The following CPE variants were observed in gnomAD, a reference collection of about 807,000 sequenced individuals.
CPE encodes carbocypeptidase E.
CPE carries 17 observed loss-of-function variants against 53.5 expected under a neutral mutation model. The observed-to-expected ratio is 0.32, with a 90% CI of 0.22 to 0.48. The LOEUF is 0.48. Ranked by LOEUF, CPE falls within the 20% of genes least tolerant of loss-of-function variation. CPE has a pLI of 0.99. For synonymous variants in CPE, 226 were observed against 228.8 expected (o/e 0.99, Z 0.11); for missense variants, 524 against 614.7 (o/e 0.85, Z 1.56).
At chr4:165,411,363 C>G (rs1384682052) in intron 1 of CPE, among the ~76,000 whole-genome samples, 2 of 152,098 alleles carry the variant, frequency 1.3e-5, no homozygotes, top group African/African-American at 4.8e-5. Context: ...CTTCCTCCTA[C>G]TTTTTGCCCT....
chr4:165,493,492 G>A (rs1732645602), intron 7 of CPE, among the ~76,000 whole-genome samples: 1 of 152,206 alleles, frequency 6.6e-6, no homozygotes, highest in African/African-American at 2.4e-5. Context: ...TGCAGCAGAT[G>A]GCGCCCTTTC....
intron 1 of CPE, among the ~76,000 whole-genome samples, chr4:165,385,938 G>A (rs1014833185): frequency 7.9e-5 from 12 of 152,156 alleles, no homozygotes; most frequent in East Asian, 1.9e-4. Context: ...CTTTCTCCCC[G>A]CTCCCTAACT....
At position 165,464,262 on chromosome 4, in the gene CPE, T is replaced by G. The variant is rs755704966; in HGVS notation, c.308-128T>G. 11 of 657,752 alleles carry G rather than the reference T, an allele frequency of 1.7e-5. No individual in the cohort carries two copies. In the South Asian group the frequency reaches 2.9e-4, roughly 18 times the overall value. 40.7% of individuals were successfully genotyped at this position (657,752 alleles called of 1,614,324 possible). A position where few individuals can be genotyped will look rare whatever the true frequency, so the allele number is the denominator to read the frequency against. ...GGGGTATTTTAATGTCTACGGTAGA[T>G]TTTTTTTTAAGGCATCGCTGCTGGA... is the stretch of plus-strand genomic sequence containing the variant. On this transcript the variant is annotated intron_variant, in intron 1 of 8. Transcript: ENST00000402744.
intron 6 of CPE, among the ~76,000 whole-genome samples, chr4:165,489,973 GC>G (rs1171970614): frequency 6.6e-6 from 1 of 152,214 alleles, no homozygotes; most frequent in Non-Finnish European, 1.5e-5. Flanking sequence ...TTTATAACCA[GC>G]TCATCTAGCT....
intron 1 of CPE, among the ~76,000 whole-genome samples, chr4:165,463,248 G>C (rs1273123743): frequency 6.6e-6 from 1 of 152,124 alleles, no homozygotes; most frequent in African/African-American, 2.4e-5. Flanking sequence ...CTGTTGTGAA[G>C]AGAAAATTAG....
Position 165,482,338 on chromosome 4 carries a change from C to G in CPE, c.769C>G (p.Pro257Ala), listed in dbSNP as rs763083392. Residue 257 changes from proline (P) to alanine (A), a missense_variant, in exon 4 of 9, where the codon CCA becomes GCA. Transcript: ENST00000402744. ...TGGAGGAGACCTTGTGGCCAATTAT[C>G]CATATGATGAGACGCGGAGTGGTAG... ...LHGGDLVANY[P>A]YDETRSGSAH... 6.2e-7 allele frequency: 1 copy of G among 1,612,780 alleles called. No individual in the cohort carries two copies. Among genetic ancestry groups the G allele is most frequent in the South Asian group, 1.1e-5 (1 of 91,046 alleles).
intron 1 of CPE, among the ~76,000 whole-genome samples, chr4:165,419,807 A>C (rs1946816): frequency 0.3 from 44,981 of 152,060 alleles, 6,745 homozygotes; most frequent in Middle Eastern, 0.39. Context: ...TTGGGAACTA[A>C]TACATCAAAC....
chr4:165,447,768 A>G (rs1222749227), intron 1 of CPE, among the ~76,000 whole-genome samples: 2 of 152,112 alleles, frequency 1.3e-5, no homozygotes, highest in African/African-American at 2.4e-5. Context: ...ATCCTATTCT[A>G]TAAGCCTTTT....
At chr4:165,458,395 C>T (rs1325765142) in intron 1 of CPE, among the ~76,000 whole-genome samples, 1 of 152,124 alleles carries the variant, frequency 6.6e-6, no homozygotes, top group African/African-American at 2.4e-5. Context: ...TCACCAGCTC[C>T]AAGAATTATG....
At chr4:165,411,380 T>C (rs1158792376) in intron 1 of CPE, among the ~76,000 whole-genome samples, 1 of 152,204 alleles carries the variant, frequency 6.6e-6, no homozygotes, top group African/African-American at 2.4e-5. Context: ...CCCTTCCTCC[T>C]TCCCTGATCC....
chr4:165,452,091 G>T (rs75883254), intron 1 of CPE, among the ~76,000 whole-genome samples: 9 of 152,086 alleles, frequency 5.9e-5, no homozygotes, highest in Non-Finnish European at 5.9e-5. Flanking sequence ...TCACATGTGT[G>T]CAAGAGCTAA....
chr4:165,381,622 A>G (rs1212330694), intron 1 of CPE: 1 of 215,454 alleles, frequency 4.6e-6, no homozygotes, highest in Non-Finnish European at 9.5e-6. Flanking sequence ...TATATTTTTA[A>G]AAGTAGAAAT....
rs1045585213 is a variant in CPE, at chr4:165,379,661, A to C, written c.307+133A>C. 5 of 920,998 alleles carry C rather than the reference A, an allele frequency of 5.4e-6. No homozygotes were observed. The African/African-American group carries it at 8.5e-5, about 16-fold the overall frequency. 57.1% of individuals were successfully genotyped at this position (920,998 alleles called of 1,614,324 possible). A position where few individuals can be genotyped will look rare whatever the true frequency, so the allele number is the denominator to read the frequency against. On this transcript the variant is annotated intron_variant, in intron 1 of 8. Transcript: ENST00000402744. The surrounding 1 kb of genome is among the most constrained non-coding windows in gnomAD (Gnocchi z 6.0). ...TCTTGGTAAAAGGTATCTAAGGTGG[A>C]AGGTGGGAAGTGGAGGGAGGGATGG... is the stretch of plus-strand genomic sequence containing the variant.
At chr4:165,469,055 TA>T (rs773125780) in intron 3 of CPE, among the ~76,000 whole-genome samples, 12 of 152,220 alleles carry the variant, frequency 7.9e-5, no homozygotes, top group Non-Finnish European at 1.8e-4. Context: ...TTAATACATA[TA>T]AAGTACTTGA....
intron 1 of CPE, among the ~76,000 whole-genome samples, chr4:165,383,600 G>A (rs1730538677): frequency 6.6e-6 from 1 of 152,148 alleles, no homozygotes; most frequent in Non-Finnish European, 1.5e-5. Context: ...CTCAAAGGCT[G>A]GAATGATTAT....
intron 1 of CPE, among the ~76,000 whole-genome samples, chr4:165,415,909 C>T (rs887179636): frequency 2.0e-5 from 3 of 152,096 alleles, no homozygotes; most frequent in African/African-American, 7.2e-5. Context: ...AAGAATGACA[C>T]AGATTTTTTT....
Position 165,398,062 on chromosome 4 carries a change from A to AC in CPE, c.307+18534_307+18535insC, listed in dbSNP as rs565362197. Among the ~76,000 whole-genome samples, 572 of 149,542 alleles carry AC rather than the reference A, an allele frequency of 3.8e-3. 1 individual carries two copies. The highest frequency in any genetic ancestry group is 5.5e-3 in the Non-Finnish European group (363 of 66,486). ...CAAGTCCTCATTTCTAAAAAAAAAA[A>AC]AAAAAAAAACAAAACCCCACTAAGG... On this transcript the variant is annotated intron_variant, in intron 1 of 8. Coordinates refer to ENST00000402744, the MANE Select transcript of CPE (RefSeq NM_001873.4).
chr4:165,428,619 T>C (rs1320474286), intron 1 of CPE, among the ~76,000 whole-genome samples: 1 of 151,020 alleles, frequency 6.6e-6, no homozygotes, highest in African/African-American at 2.4e-5. Context: ...AGTTTGAAAT[T>C]AGTATCACTG....
chr4:165,466,470 T>C (rs975213368), intron 2 of CPE, among the ~76,000 whole-genome samples: 1 of 152,260 alleles, frequency 6.6e-6, no homozygotes. Flanking sequence ...ACTAAATTTA[T>C]AAAAACTATT....
Sources: allele counts gnomAD v4.1 joint callset (sites outside exome capture counted in the v4.1 genomes callset), GRCh38; gene constraint gnomAD v4.1.1; non-coding constraint Gnocchi (gnomAD v3.1); transcripts MANE v1.5; gene names NCBI Gene and HGNC (gene_info 2026-07-23, HGNC 2026-07-21).